Variants in RBFOX1 observed in about 807,000 individuals in gnomAD.
The protein encoded by RBFOX1 is RNA binding fox-1 homolog 1.
In RBFOX1, 8 loss-of-function variants were observed where a neutral mutation model predicts 57.7. The ratio of observed to expected loss-of-function variants is 0.14; its 90% CI spans 0.08 to 0.25. RBFOX1 has a LOEUF of 0.25. Among genes scored for constraint, RBFOX1 ranks in the 10% least tolerant of loss-of-function variants. The pLI is 1.00. For missense variants in RBFOX1, 611 were observed against 548.5 expected (o/e 1.11, Z -1.14); for synonymous variants, 326 against 222.4 (o/e 1.47, Z -4.15).
At chr16:7,370,475 A>T (rs1464544128) in intron 4 of RBFOX1, among the ~76,000 whole-genome samples, 1 of 152,084 alleles carries the variant, frequency 6.6e-6, no homozygotes. Flanking sequence ...TTTGTTTTTT[A>T]TCAACGCGGG....
At chr16:7,522,524 G>A (rs1206439918) in intron 5 of RBFOX1, among the ~76,000 whole-genome samples, 1 of 152,130 alleles carries the variant, frequency 6.6e-6, no homozygotes, top group Admixed American at 6.5e-5. Context: ...CAAGAGTTGA[G>A]GAATAACTGT....
At chr16:7,094,554 C>G (rs990156853) in intron 4 of RBFOX1, among the ~76,000 whole-genome samples, 21 of 152,084 alleles carry the variant, frequency 1.4e-4, no homozygotes, top group African/African-American at 4.8e-4. Flanking sequence ...CATTCGAAGT[C>G]AGACTGTCAA....
At chr16:5,867,778 G>A (rs2057377658) in intron 4 of RBFOX1, among the ~76,000 whole-genome samples, 1 of 151,898 alleles carries the variant, frequency 6.6e-6, no homozygotes. Context: ...GTGGCATGAT[G>A]TCGGCTCACT....
intron 1 of RBFOX1, among the ~76,000 whole-genome samples, chr16:6,301,770 T>C (rs911179112): frequency 3.9e-5 from 6 of 152,204 alleles, no homozygotes; most frequent in African/African-American, 1.4e-4. Flanking sequence ...ATGCTTCTAC[T>C]AGATCTGGAC....
chr16:6,716,388 G>C (rs535484357), intron 3 of RBFOX1, among the ~76,000 whole-genome samples: 3 of 152,216 alleles, frequency 2.0e-5, no homozygotes, highest in East Asian at 3.9e-4. Flanking sequence ...TAACTGGAAG[G>C]CTGGAAGTGC....
At chr16:7,583,094 T>C (rs142832921) in intron 6 of RBFOX1, among the ~76,000 whole-genome samples, 5 of 152,280 alleles carry the variant, frequency 3.3e-5, no homozygotes, top group Non-Finnish European at 7.4e-5. Flanking sequence ...TTCTTTACTT[T>C]CTACTCATTG....
chr16:7,205,927 A>C (rs28645641), intron 4 of RBFOX1, among the ~76,000 whole-genome samples: 6,471 of 152,324 alleles, frequency 0.042, 438 homozygotes, highest in African/African-American at 0.15. Flanking sequence ...TTTATGCTAG[A>C]ATACAGGAGG....
intron 3 of RBFOX1, among the ~76,000 whole-genome samples, chr16:7,042,898 C>T (rs1039419022): frequency 2.0e-5 from 3 of 152,050 alleles, no homozygotes; most frequent in Non-Finnish European, 4.4e-5. Context: ...TGCACTCCAG[C>T]CTGGGTGACA....
intron 3 of RBFOX1, 87 bp downstream of exon 3, chr16:6,654,737 G>T (rs965169324): frequency 9.8e-7 from 1 of 1,015,652 alleles, no homozygotes; most frequent in Non-Finnish European, 1.4e-6. Context: ...TGCCCCTCTC[G>T]ATGATGGTTT....
At chr16:7,407,437 G>C (rs919921285) in intron 4 of RBFOX1, among the ~76,000 whole-genome samples, 1 of 151,690 alleles carries the variant, frequency 6.6e-6, no homozygotes, top group Non-Finnish European at 1.5e-5. Flanking sequence ...ATGGCACACA[G>C]CAAAAAGAAG....
intron 2 of RBFOX1, among the ~76,000 whole-genome samples, chr16:5,501,778 G>A (rs992561179): frequency 6.6e-6 from 1 of 152,016 alleles, no homozygotes; most frequent in Admixed American, 6.6e-5. Flanking sequence ...TAGTGGTGCG[G>A]TCACAGCTCC....
intron 3 of RBFOX1, among the ~76,000 whole-genome samples, chr16:6,933,949 A>G (rs1379282464): frequency 6.6e-6 from 1 of 152,202 alleles, no homozygotes; most frequent in Non-Finnish European, 1.5e-5. Context: ...ATGGTATTGA[A>G]AAATCAAAGT....
At chr16:5,429,397 C>T (rs1347236470) in intron 1 of RBFOX1, among the ~76,000 whole-genome samples, 5 of 152,092 alleles carry the variant, frequency 3.3e-5, no homozygotes, top group East Asian at 3.9e-4. Flanking sequence ...AGGCGGGACT[C>T]GGGGGAGAGT....
At chr16:6,239,105 C>T (rs1242150656) in intron 1 of RBFOX1, among the ~76,000 whole-genome samples, 3 of 151,792 alleles carry the variant, frequency 2.0e-5, no homozygotes, top group Admixed American at 1.3e-4. Context: ...TAAAGCTTAC[C>T]CTAAAGCCCA....
At chr16:6,240,882 C>T (rs1192985603) in intron 1 of RBFOX1, among the ~76,000 whole-genome samples, 2 of 152,178 alleles carry the variant, frequency 1.3e-5, no homozygotes, top group Non-Finnish European at 2.9e-5. Flanking sequence ...TACTTTCTCA[C>T]CATGAAGTTC....
At chr16:7,541,324 A>G (rs973829080) in intron 5 of RBFOX1, among the ~76,000 whole-genome samples, 2 of 152,224 alleles carry the variant, frequency 1.3e-5, no homozygotes, top group South Asian at 2.1e-4. Flanking sequence ...AATGTGAGGC[A>G]AAGGACCAGC....
At chr16:7,218,283 G>T (rs528556710) in intron 4 of RBFOX1, among the ~76,000 whole-genome samples, 1 of 152,222 alleles carries the variant, frequency 6.6e-6, no homozygotes, top group South Asian at 2.1e-4. Flanking sequence ...AGATGTAGAT[G>T]GTGGTACTAA....
chr16:6,930,665 C>G (rs751013101), intron 3 of RBFOX1, among the ~76,000 whole-genome samples: 1 of 152,182 alleles, frequency 6.6e-6, no homozygotes, highest in Non-Finnish European at 1.5e-5. Flanking sequence ...CTGCCTTGGC[C>G]TCCCAAGTTG....
intron 4 of RBFOX1, among the ~76,000 whole-genome samples, chr16:7,460,868 C>A (rs994977543): frequency 2.0e-5 from 3 of 152,134 alleles, no homozygotes; most frequent in Admixed American, 2.0e-4. Context: ...TGGGCAGAGT[C>A]TGATATTCTG....
Sources: gnomAD v4.1 joint callset for allele counts (sites outside exome capture counted in the v4.1 genomes callset) on GRCh38, gnomAD v4.1.1 for gene constraint, MANE v1.5 for transcripts, NCBI Gene and HGNC (gene_info 2026-07-23, HGNC 2026-07-21) for gene names.